SAMD8: variants seen among roughly 807,000 people sequenced by gnomAD.
The protein encoded by SAMD8 is sphingomyelin synthase-related protein 1.
A neutral mutation model predicts 42.0 loss-of-function variants in SAMD8; 20 were observed. That is an observed-to-expected ratio of 0.48 (90% CI 0.34 to 0.69). The LOEUF is 0.69. Ranked by LOEUF, SAMD8 falls within the 30% of genes least tolerant of loss-of-function variation. The probability of loss-of-function intolerance (pLI) is 0.01; values close to 1 mark genes in which losing one functional copy is unlikely to be tolerated. For synonymous variants in SAMD8, 162 were observed against 173.0 expected, an observed-to-expected ratio of 0.94 and a Z score of 0.50; for missense variants, 328 against 511.6, an observed-to-expected ratio of 0.64 and a Z score of 3.46.
chr10:75,140,164 C>T (rs1423857637), intron 1 of SAMD8, among the ~76,000 whole-genome samples: 1 of 152,106 alleles, frequency 6.6e-6, no homozygotes, highest in African/African-American at 2.4e-5. Flanking sequence ...ACCACTTTGT[C>T]TTGATTTGAG....
chr10:75,135,564 G>C (rs1420947317), intron 1 of SAMD8, among the ~76,000 whole-genome samples: 3 of 152,028 alleles, frequency 2.0e-5, no homozygotes, highest in Non-Finnish European at 4.4e-5. Context: ...GGTGGCTCAT[G>C]CCTGTAATCC....
At chr10:75,149,002 C>CT (rs200219461) in intron 1 of SAMD8, among the ~76,000 whole-genome samples, 12 of 151,618 alleles carry the variant, frequency 7.9e-5, no homozygotes, top group African/African-American at 2.9e-4. Context: ...AACAGTTTTT[C>CT]TTTTTTTCAA....
chr10:75,147,471 G>A (rs1007117746), intron 1 of SAMD8, among the ~76,000 whole-genome samples: 4 of 152,050 alleles, frequency 2.6e-5, no homozygotes, highest in Non-Finnish European at 5.9e-5. Context: ...GATTACAGGC[G>A]CCCGCCACCA....
At chr10:75,167,493 T>A (rs1291066193) in intron 3 of SAMD8, among the ~76,000 whole-genome samples, 1 of 152,206 alleles carries the variant, frequency 6.6e-6, no homozygotes, top group Non-Finnish European at 1.5e-5. Context: ...CCCAAAGTTC[T>A]GGGATTATAG....
At chr10:75,101,467 C>A (rs538896263) in intron 1 of SAMD8, among the ~76,000 whole-genome samples, 1 of 152,300 alleles carries the variant, frequency 6.6e-6, no homozygotes, top group South Asian at 2.1e-4. Context: ...CTTGATATTT[C>A]TTTCTCTGTC....
At chr10:75,103,980 G>A (rs781382535) in intron 1 of SAMD8, 40 of 1,343,998 alleles carry the variant, frequency 3.0e-5, no homozygotes, top group Middle Eastern at 2.1e-4. Context: ...CCGACCCCAC[G>A]CTGGGCTTCC....
rs776341603 is a variant in SAMD8, at chr10:75,150,726, A to G, written c.198A>G (p.Lys66=). The G allele has an allele frequency of 1.2e-6, 2 of 1,614,202 alleles. No homozygotes were observed. The highest frequency in any genetic ancestry group is 4.5e-5 in the East Asian group (2 of 44,878). Residue 66 remains lysine, a synonymous_variant, in exon 2 of 6, where the codon AAA becomes AAG. Transcript: ENST00000542569. The part of the protein sequence containing the change: ...PLEIKVLGDI[K]RLMLSVRKLQ... ...AAATCAAAGTCTTAGGGGACATTAAAAGGTTAATGCTCTCAGTCCGAAAAT... is the reference window on the plus strand; with the variant it reads ...AAATCAAAGTCTTAGGGGACATTAAGAGGTTAATGCTCTCAGTCCGAAAAT...
At chr10:75,114,290 C>G (rs965014470) in intron 1 of SAMD8, among the ~76,000 whole-genome samples, 4 of 149,906 alleles carry the variant, frequency 2.7e-5, no homozygotes, top group African/African-American at 9.9e-5. Flanking sequence ...GAGCTGAGAT[C>G]ACACCACTGC....
intron 2 of SAMD8, among the ~76,000 whole-genome samples, chr10:75,161,317 AGAAGG>A (rs1373233492): frequency 1.3e-5 from 2 of 152,142 alleles, no homozygotes; most frequent in Non-Finnish European, 2.9e-5. Context: ...CAGCCTTCCA[AGAAGG>A]GTAAGATTCC....
chr10:75,173,061 A>G (rs900614244), intron 4 of SAMD8, among the ~76,000 whole-genome samples: 2 of 152,214 alleles, frequency 1.3e-5, no homozygotes, highest in Non-Finnish European at 2.9e-5. Context: ...GCTGCAACAT[A>G]TGCTGCAAAA....
chr10:75,108,222 G>A, upstream of SAMD8: 1 of 1,584,690 alleles, frequency 6.3e-7, no homozygotes, highest in Non-Finnish European at 8.6e-7. Flanking sequence ...GGGGAGGGCA[G>A]GAAGGGCACT....
chr10:75,162,056 A>AT (rs1378910288), intron 2 of SAMD8, among the ~76,000 whole-genome samples: 1 of 152,100 alleles, frequency 6.6e-6, no homozygotes, highest in Non-Finnish European at 1.5e-5. Flanking sequence ...AAATAAATAA[A>AT]AAATAAAATC....
chr10:75,105,602 A>G, intron 1 of SAMD8: 1 of 1,450,366 alleles, frequency 6.9e-7, no homozygotes, highest in Middle Eastern at 2.4e-4. Flanking sequence ...TCTGCAGCCT[A>G]GGCCCTCACC....
intron 2 of SAMD8, among the ~76,000 whole-genome samples, chr10:75,157,121 T>C (rs1840429262): frequency 6.6e-6 from 1 of 152,148 alleles, no homozygotes; most frequent in African/African-American, 2.4e-5. Context: ...TGGCAAAATG[T>C]TAATTATTGT....
intron 1 of SAMD8, among the ~76,000 whole-genome samples, chr10:75,121,584 G>A (rs141017905): frequency 0.011 from 1,684 of 152,282 alleles, 15 homozygotes; most frequent in Admixed American, 0.017. Flanking sequence ...CATGGAACTG[G>A]ATCAGATCTT....
intron 1 of SAMD8, among the ~76,000 whole-genome samples, chr10:75,112,504 G>A (rs1216741683): frequency 6.6e-6 from 1 of 152,154 alleles, no homozygotes; most frequent in Non-Finnish European, 1.5e-5. Flanking sequence ...TGGAAGGGGC[G>A]GTGTGAATCA....
In SAMD8 at chr10:75,124,027, C is replaced by T. The variant is rs1849069663; in HGVS notation, c.-16+12305C>T. Among the ~76,000 whole-genome samples, 3 of 152,124 alleles carry T rather than the reference C, an allele frequency of 2.0e-5. No individual in the cohort carries two copies. In the South Asian group the frequency reaches 6.2e-4, roughly 31 times the overall value. On this transcript the variant is annotated intron_variant, in intron 1 of 5. Transcript: ENST00000542569. ...ACAGGCGTGAGCCACTGCACCCAGC[C>T]GGTCTTTTGTTTTTTCTTGGAGCTT... is the stretch of plus-strand genomic sequence containing the variant.
intron 1 of SAMD8, among the ~76,000 whole-genome samples, chr10:75,138,198 G>T (rs566623513): frequency 6.6e-6 from 1 of 152,276 alleles, no homozygotes; most frequent in Admixed American, 6.5e-5. Context: ...TTCAGACTGT[G>T]TAGTAGGAGG....
intron 2 of SAMD8, among the ~76,000 whole-genome samples, chr10:75,161,551 CAG>C (rs1030224348): frequency 1.4e-5 from 2 of 146,394 alleles, no homozygotes; most frequent in South Asian, 2.2e-4. Flanking sequence ...TAAGCGCAAA[CAG>C]AAAAAAAAAA....
Sources: allele counts gnomAD v4.1 joint callset (sites outside exome capture counted in the v4.1 genomes callset), GRCh38; gene constraint gnomAD v4.1.1; transcripts MANE v1.5; gene names NCBI Gene and HGNC (gene_info 2026-07-23, HGNC 2026-07-21).